TBC1D22A: variants seen among roughly 807,000 people sequenced by gnomAD.
The protein encoded by TBC1D22A is putative GTPase activator.
In TBC1D22A, 38 loss-of-function variants were observed where a neutral mutation model predicts 60.2. That is an observed-to-expected ratio of 0.63 (90% CI 0.49 to 0.83). The LOEUF (loss-of-function observed/expected upper bound fraction) is 0.83. Ranked by LOEUF, TBC1D22A falls within the 40% of genes least tolerant of loss-of-function variation. The pLI is 0.00. For synonymous variants in TBC1D22A, 302 were observed against 281.7 expected (o/e 1.07, Z -0.72); for missense variants, 628 against 701.0 (o/e 0.90, Z 1.18).
At chr22:47,080,989 G>T (rs763362764) in intron 11 of TBC1D22A, among the ~76,000 whole-genome samples, 12 of 151,998 alleles carry the variant, frequency 7.9e-5, no homozygotes, top group Admixed American at 5.2e-4. Flanking sequence ...GCGTGATGGC[G>T]CATGCCTGTA....
intron 12 of TBC1D22A, among the ~76,000 whole-genome samples, chr22:47,126,757 G>A (rs1460517896): frequency 2.6e-5 from 4 of 152,260 alleles, no homozygotes; most frequent in Admixed American, 6.5e-5. Flanking sequence ...AGGGCAGAGG[G>A]TGGCCCTTTT....
intron 4 of TBC1D22A, among the ~76,000 whole-genome samples, chr22:46,803,618 T>G (rs1445055259): frequency 1.3e-5 from 2 of 152,182 alleles, no homozygotes; most frequent in African/African-American, 4.8e-5. Flanking sequence ...GTGCTTACAC[T>G]TGCGCGTGTC....
chr22:47,133,769 G>A (rs185880400), intron 12 of TBC1D22A, among the ~76,000 whole-genome samples: 62 of 152,304 alleles, frequency 4.1e-4, no homozygotes, highest in African/African-American at 1.5e-3. Flanking sequence ...CCTGCGCGAG[G>A]CAGCTTTGCC....
rs1349845780 is a variant in TBC1D22A, at chr22:46,771,372, G to T, written c.62+8524G>T. Among the ~76,000 whole-genome samples the T allele has an allele frequency of 3.9e-5, 6 of 152,112 alleles. No homozygotes were observed. In the East Asian group the frequency reaches 1.2e-3, roughly 29 times the overall value. ...ATTTCTATAGATTACTGGGGAACAG[G>T]TGGTGTTTGGTTACATGAGTAAGTT... On this transcript the variant is annotated intron_variant, in intron 1 of 12. Transcript: ENST00000337137.
intron 5 of TBC1D22A, among the ~76,000 whole-genome samples, chr22:46,886,450 GGGATGC>G (rs752518297): frequency 2.8e-4 from 43 of 152,314 alleles, no homozygotes; most frequent in Non-Finnish European, 6.0e-4. Flanking sequence ...CATTGGGTTG[GGGATGC>G]GTCTGACACG....
chr22:47,034,044 C>T (rs1253568966), intron 10 of TBC1D22A, among the ~76,000 whole-genome samples: 1 of 152,228 alleles, frequency 6.6e-6, no homozygotes, highest in African/African-American at 2.4e-5. Flanking sequence ...CTCGGCAGCA[C>T]CGTTTTGTTC....
chr22:46,826,889 G>A (rs990906816), intron 4 of TBC1D22A, among the ~76,000 whole-genome samples: 1 of 152,050 alleles, frequency 6.6e-6, no homozygotes, highest in Non-Finnish European at 1.5e-5. Context: ...CTTGCAGTCA[G>A]CACTCAGATA....
chr22:46,949,534 T>G (rs1037115048), intron 8 of TBC1D22A, among the ~76,000 whole-genome samples: 3 of 152,064 alleles, frequency 2.0e-5, no homozygotes, highest in Admixed American at 2.0e-4. Context: ...CTGGGGTATG[T>G]CTGGCAGTTA....
intron 10 of TBC1D22A, among the ~76,000 whole-genome samples, chr22:47,034,212 C>T (rs1431927163): frequency 1.3e-5 from 2 of 152,224 alleles, no homozygotes; most frequent in Non-Finnish European, 1.5e-5. Flanking sequence ...TGCCTCTGGA[C>T]CTGCACTGCA....
At chr22:47,002,460 T>C (rs960820580) in intron 10 of TBC1D22A, among the ~76,000 whole-genome samples, 7 of 152,276 alleles carry the variant, frequency 4.6e-5, no homozygotes, top group African/African-American at 1.7e-4. Flanking sequence ...TTTTGTGACA[T>C]AGATGACGTC....
chr22:47,101,138 G>A (rs2065398432), intron 11 of TBC1D22A, among the ~76,000 whole-genome samples: 1 of 152,090 alleles, frequency 6.6e-6, no homozygotes. Flanking sequence ...TTAAGAGAGG[G>A]GAATATTGAA....
In TBC1D22A at chr22:47,010,177, AT is replaced by A. The variant is rs2061713543; in HGVS notation, c.1201+12470del. 6.6e-5 allele frequency among the ~76,000 whole-genome samples: 10 copies of A among 152,314 alleles called. No homozygotes were observed. The South Asian group carries it at 2.1e-3, about 32-fold the overall frequency. ...TACCTCGTAAGGTTAAAATTGACTT[AT>A]TCTTTTAAGATAGAATTCAGTTACA... On this transcript the variant is annotated intron_variant, in intron 10 of 12. Transcript: ENST00000337137.
intron 11 of TBC1D22A, among the ~76,000 whole-genome samples, chr22:47,091,826 C>T (rs2064988613): frequency 6.6e-6 from 1 of 152,172 alleles, no homozygotes; most frequent in Admixed American, 6.5e-5. Context: ...GAGGAATTTT[C>T]AGTTTAGTGT....
intron 9 of TBC1D22A, among the ~76,000 whole-genome samples, chr22:46,976,243 G>A (rs921243388): frequency 5.9e-5 from 9 of 152,202 alleles, no homozygotes; most frequent in Admixed American, 5.2e-4. Context: ...TTTGTGGTCT[G>A]ATGCAATGGT....
At chr22:46,985,501 G>A (rs2074689195) in intron 9 of TBC1D22A, among the ~76,000 whole-genome samples, 1 of 152,204 alleles carries the variant, frequency 6.6e-6, no homozygotes, top group Non-Finnish European at 1.5e-5. Context: ...GAATCATTGA[G>A]CAGCAAGCAA....
chr22:46,832,336 A>C (rs566352817), intron 4 of TBC1D22A, among the ~76,000 whole-genome samples: 3 of 152,252 alleles, frequency 2.0e-5, no homozygotes, highest in Non-Finnish European at 4.4e-5. Context: ...TTTATGGAAA[A>C]GAGTACGTTT....
At chr22:47,005,206 A>T (rs1348319957) in intron 10 of TBC1D22A, among the ~76,000 whole-genome samples, 1 of 151,458 alleles carries the variant, frequency 6.6e-6, no homozygotes, top group Non-Finnish European at 1.5e-5. Flanking sequence ...CTATATATCC[A>T]CACCCCTCAT....
intron 11 of TBC1D22A, among the ~76,000 whole-genome samples, chr22:47,038,507 G>A (rs1432455443): frequency 3.9e-5 from 6 of 152,212 alleles, no homozygotes; most frequent in African/African-American, 7.2e-5. Context: ...TGCTCCCACA[G>A]GGCCTCAGGC....
At chr22:47,143,248 A>G (rs1350968825) in intron 12 of TBC1D22A, among the ~76,000 whole-genome samples, 3 of 152,174 alleles carry the variant, frequency 2.0e-5, no homozygotes, top group African/African-American at 7.2e-5. Flanking sequence ...GACTCAGTGG[A>G]GCAGACTCTG....
Sources: gnomAD v4.1 joint callset for allele counts (sites outside exome capture counted in the v4.1 genomes callset) on GRCh38, gnomAD v4.1.1 for gene constraint, MANE v1.5 for transcripts, NCBI Gene and HGNC (gene_info 2026-07-23, HGNC 2026-07-21) for gene names.